RBFOX3: variants seen among roughly 807,000 people sequenced by gnomAD.
RBFOX3 encodes RNA binding fox-1 homolog 3.
Under a neutral mutation model 48.7 loss-of-function variants are expected in RBFOX3, and 17 were observed. That is an observed-to-expected ratio of 0.35 (90% CI 0.24 to 0.52). The LOEUF (loss-of-function observed/expected upper bound fraction) is 0.52. Among genes scored for constraint, RBFOX3 ranks in the 20% least tolerant of loss-of-function variants. The pLI, the probability that RBFOX3 is intolerant of heterozygous loss-of-function variation, is 0.94. For missense variants in RBFOX3, 382 were observed against 497.5 expected, an observed-to-expected ratio of 0.77 and a Z score of 2.21; for synonymous variants, 212 against 209.5, an observed-to-expected ratio of 1.01 and a Z score of -0.10.
In RBFOX3 at chr17:79,530,257, G is replaced by A. The variant is rs987735833; in HGVS notation, c.-319-47659C>T. 4.7e-4 allele frequency among the ~76,000 whole-genome samples: 72 copies of A among 152,240 alleles called. 1 individual carries two copies. In the South Asian group the frequency reaches 0.015, roughly 31 times the overall value. ...CAAGCTGGGGTGAGGCACCTGCCCT[G>A]TTATCAATTTAAAGTTGTATTTTCA... On this transcript the variant is annotated intron_variant, in intron 1 of 14. Coordinates refer to ENST00000693108, the MANE Select transcript of RBFOX3 (RefSeq NM_001350451.2).
intron 4 of RBFOX3, among the ~76,000 whole-genome samples, chr17:79,181,501 T>C (rs989120432): frequency 5.9e-5 from 9 of 152,220 alleles, no homozygotes; most frequent in African/African-American, 2.2e-4. Context: ...ATTGGATGAC[T>C]TCCTGCCTGT....
chr17:79,152,723 G>A (rs1280532136), intron 4 of RBFOX3, among the ~76,000 whole-genome samples: 11 of 152,222 alleles, frequency 7.2e-5, no homozygotes, highest in African/African-American at 2.4e-4. Flanking sequence ...ACAGCTGTGG[G>A]GGGCACCGAA....
chr17:79,432,622 C>T (rs1159402840), intron 2 of RBFOX3, among the ~76,000 whole-genome samples: 1 of 152,184 alleles, frequency 6.6e-6, no homozygotes, highest in Non-Finnish European at 1.5e-5. Flanking sequence ...TTCCGTCCTT[C>T]TCATGCACAC....
At position 79,390,010 on chromosome 17, in the gene RBFOX3, A is replaced by G. The variant is rs113865138; in HGVS notation, c.-174-82186T>C. Among the ~76,000 whole-genome samples, 12 of 93,340 alleles carry G rather than the reference A, an allele frequency of 1.3e-4. No homozygotes were observed. Among genetic ancestry groups the G allele is most frequent in the Non-Finnish European group, 1.5e-4 (6 of 39,022 alleles). 61.2% of individuals were successfully genotyped at this position (93,340 alleles called of 152,430 possible). A position where few individuals can be genotyped will look rare whatever the true frequency, so the allele number is the denominator to read the frequency against. ...CAGCCTCCAGGTCTCCGCAGCCTCC[A>G]GGTCTCCGCAGCCTCCAGGTCTCCG... On this transcript the variant is annotated intron_variant, in intron 2 of 14. Transcript: ENST00000693108. This position sits in a 1 kb window ranked among gnomAD's most constrained non-coding sequence, Gnocchi z 4.2.
intron 1 of RBFOX3, among the ~76,000 whole-genome samples, chr17:79,524,470 G>A (rs897253039): frequency 5.9e-5 from 9 of 152,142 alleles, no homozygotes; most frequent in South Asian, 2.1e-4. Context: ...CTCTCACGGC[G>A]GGCATTTAGG....
At chr17:79,118,985 A>AT (rs200203955) in intron 4 of RBFOX3, among the ~76,000 whole-genome samples, 10,007 of 148,004 alleles carry the variant, frequency 0.068, 634 homozygotes, top group African/African-American at 0.16. Context: ...CAAAAAAAAA[A>AT]AAAAAAAATA....
At chr17:79,090,923 C>T (rs749614329) in intron 14 of RBFOX3, 38 bp from the exon 15 acceptor site, 15 of 1,528,004 alleles carry the variant, frequency 9.8e-6, no homozygotes, top group Middle Eastern at 3.4e-4. Flanking sequence ...TGCAGCTTCT[C>T]GGGGGAGGCA....
At chr17:79,375,316 C>A (rs1598428381) in intron 2 of RBFOX3, among the ~76,000 whole-genome samples, 1 of 151,678 alleles carries the variant, frequency 6.6e-6, no homozygotes, top group East Asian at 1.9e-4. Flanking sequence ...GGGGACAGGG[C>A]CCTCCCTCTA....
At chr17:79,345,813 A>G (rs112503187) in intron 2 of RBFOX3, among the ~76,000 whole-genome samples, 73 of 152,344 alleles carry the variant, frequency 4.8e-4, no homozygotes, top group African/African-American at 1.7e-3. Context: ...TGAATTAAAA[A>G]GCACTTATTT....
At chr17:79,630,658 A>G in the RBFOX3 span, among the ~76,000 whole-genome samples, 1 of 152,192 alleles carries the variant, frequency 6.6e-6, no homozygotes, top group African/African-American at 2.4e-5. Flanking sequence ...TTTGAACACA[A>G]GTTCTGGAAG....
intron 5 of RBFOX3, 150 bp downstream of exon 5, chr17:79,115,344 C>G (rs1288157189): frequency 1.1e-5 from 5 of 444,928 alleles, no homozygotes; most frequent in African/African-American, 1.0e-4. Context: ...CCCAGGAGCC[C>G]CGTAAAAGGC....
intron 2 of RBFOX3, among the ~76,000 whole-genome samples, chr17:79,354,298 C>T (rs1049027658): frequency 1.3e-5 from 2 of 152,226 alleles, no homozygotes; most frequent in Admixed American, 1.3e-4. Context: ...CCCTAAAGAG[C>T]CTCTGTAGGC....
rs2146999516 is a variant in RBFOX3, at chr17:79,115,643, G to A, written c.73C>T (p.Pro25Ser). ...TAGTCCTGCGTGGGGTGCGGTGGGG[G>A]CGGGGCGTACTCGGCAGGGATGCCG... is the stretch of plus-strand genomic sequence containing the variant. ...QNGIPAEYAP[P>S]PPHPTQDYSG... Residue 25 changes from proline (P) to serine (S), a missense_variant, in exon 5 of 15, where the codon CCC becomes TCC. By Grantham distance (74) the Pro-to-Ser change is moderately conservative. This residue lies in a region of RBFOX3 where 118 missense variants were observed against 132.1 expected (regional missense o/e 0.89). Coordinates refer to ENST00000693108, the MANE Select transcript of RBFOX3 (RefSeq NM_001350451.2). The A allele has an allele frequency of 1.4e-6, 2 of 1,437,522 alleles. No homozygotes were observed. Among genetic ancestry groups the A allele is most frequent in the Non-Finnish European group, 1.8e-6 (2 of 1,092,148 alleles). 89.0% of individuals were successfully genotyped at this position (1,437,522 alleles called of 1,614,324 possible).
At chr17:79,321,704 G>GAT (rs769884122) in intron 2 of RBFOX3, among the ~76,000 whole-genome samples, 1 of 66,120 alleles carries the variant, frequency 1.5e-5, no homozygotes, top group Non-Finnish European at 2.8e-5. Flanking sequence ...CAGGAATCTG[G>GAT]CTTTTTTTTT....
chr17:79,327,376 C>T (rs2079493981), intron 2 of RBFOX3, among the ~76,000 whole-genome samples: 1 of 152,132 alleles, frequency 6.6e-6, no homozygotes, highest in Non-Finnish European at 1.5e-5. Context: ...AGTCAAAGGC[C>T]CTGGACATCA....
Position 79,287,602 on chromosome 17 carries a change from C to CAGCTG in RBFOX3, c.-74+20117_-74+20121dup, listed in dbSNP as rs143540798. On this transcript the variant is annotated intron_variant, in intron 3 of 14. Coordinates refer to ENST00000693108, the MANE Select transcript of RBFOX3 (RefSeq NM_001350451.2). ...CACTGATGTGAGACCGGCCAACAGG[C>CAGCTG]AGCTGGGCCAGGCCAGGGCACCAGG... Among the ~76,000 whole-genome samples the CAGCTG allele has an allele frequency of 1.6e-3, 241 of 152,348 alleles. 1 individual carries two copies. The highest frequency in any genetic ancestry group is 5.3e-3 in the African/African-American group (222 of 41,570).
chr17:79,478,838 AC>A (rs1461303830), intron 2 of RBFOX3, among the ~76,000 whole-genome samples: 1 of 152,238 alleles, frequency 6.6e-6, no homozygotes, highest in African/African-American at 2.4e-5. Flanking sequence ...CTTAGAATTT[AC>A]TATACAGTAA....
At chr17:79,374,524 G>A (rs772791642) in intron 2 of RBFOX3, among the ~76,000 whole-genome samples, 10 of 152,256 alleles carry the variant, frequency 6.6e-5, no homozygotes, top group Non-Finnish European at 1.0e-4. Flanking sequence ...ACCTGGAAGG[G>A]AGGGCTTTCA....
chr17:79,140,728 T>G (rs188933146), intron 4 of RBFOX3, among the ~76,000 whole-genome samples: 55 of 152,366 alleles, frequency 3.6e-4, no homozygotes, highest in Admixed American at 2.0e-3. Flanking sequence ...CACCATGCTG[T>G]CTAGAAAAGG....
Sources: allele counts gnomAD v4.1 joint callset (sites outside exome capture counted in the v4.1 genomes callset), GRCh38; gene constraint gnomAD v4.1.1; regional missense constraint gnomAD v4.1.1; non-coding constraint Gnocchi (gnomAD v3.1); transcripts MANE v1.5; gene names NCBI Gene and HGNC (gene_info 2026-07-23, HGNC 2026-07-21).